The following NOTCH2NLB variants were observed in gnomAD, a reference collection of about 807,000 sequenced individuals.
NOTCH2NLB encodes notch homolog 2 N-terminal-like protein B.
A neutral mutation model predicts 14.8 loss-of-function variants in NOTCH2NLB; 1 was observed. The ratio of observed to expected loss-of-function variants is 0.07; its 90% CI spans 0.02 to 0.32. The LOEUF is 0.32. Ranked by LOEUF, NOTCH2NLB falls within the 10% of genes least tolerant of loss-of-function variation. The pLI is 1.00. For synonymous variants in NOTCH2NLB, 6 were observed against 57.5 expected (o/e 0.10, Z 4.05); for missense variants, 11 against 155.0 (o/e 0.07, Z 4.93).
chr1:148,660,428 T>C (rs1432603217), intron 1 of NOTCH2NLB, among the ~76,000 whole-genome samples: 1 of 141,828 alleles, frequency 7.1e-6, no homozygotes, highest in African/African-American at 2.6e-5. Context: ...CTTTGAAAAA[T>C]AAGAAGATTC....
intron 2 of NOTCH2NLB, among the ~76,000 whole-genome samples, chr1:148,636,692 A>G (rs1664205933): frequency 1.0e-5 from 1 of 97,032 alleles, no homozygotes. Flanking sequence ...AAGCTCTGCT[A>G]GGTACACATT....
At chr1:148,600,638 AAGAC>A in the NOTCH2NLB span, among the ~76,000 whole-genome samples, 5 of 134,578 alleles carry the variant, frequency 3.7e-5, no homozygotes, top group Non-Finnish European at 6.2e-5. Flanking sequence ...TATAATAAAA[AAGAC>A]AGACAATAAC....
At chr1:148,634,376 A>G (rs1304335878) in intron 2 of NOTCH2NLB, among the ~76,000 whole-genome samples, 1 of 146,464 alleles carries the variant, frequency 6.8e-6, no homozygotes, top group African/African-American at 2.5e-5. Flanking sequence ...TTGATCTGAC[A>G]ATGCCCCTGT....
rs1286073065 is a variant in NOTCH2NLB, at chr1:148,622,369, CA to C, written c.78-6420del. Among the ~76,000 whole-genome samples the C allele has an allele frequency of 1.8e-3, 153 of 83,482 alleles. 11 individuals carry two copies. The highest frequency in any genetic ancestry group is 4.3e-3 in the East Asian group (7 of 1,644). The allele number at this position is 83,482 out of a possible 152,430, so 54.8% of individuals were successfully genotyped here. A position where few individuals can be genotyped will look rare whatever the true frequency, so the allele number is the denominator to read the frequency against. Reference sequence around the variant, plus strand: ...TGGGCAACAGAGCGAGACTCCCTCTCAAAAAAAAAAAAAAAATTCACAGCTA... The same window carrying C: ...TGGGCAACAGAGCGAGACTCCCTCTCAAAAAAAAAAAAAAATTCACAGCTA... On this transcript the variant is annotated intron_variant, in intron 2 of 4. Coordinates refer to ENST00000593495, the Ensembl canonical transcript of NOTCH2NLB.
intron 1 of NOTCH2NLB, among the ~76,000 whole-genome samples, chr1:148,651,160 AAAATATATATAT>A (rs1197356782): frequency 3.0e-4 from 14 of 46,676 alleles, no homozygotes; most frequent in African/African-American, 6.7e-4. Flanking sequence ...AAAAAAAAAA[AAAATATATATAT>A]ATATATATAT....
chr1:148,658,145 T>TA (rs1468245838), intron 1 of NOTCH2NLB, among the ~76,000 whole-genome samples: 1 of 676 alleles, frequency 1.5e-3, no homozygotes, highest in Admixed American at 0.021. Context: ...GTTCTGGGAT[T>TA]ACAGGCATGA....
the NOTCH2NLB span, among the ~76,000 whole-genome samples, chr1:148,694,079 TTTC>T: frequency 7.4e-6 from 1 of 134,522 alleles, no homozygotes; most frequent in South Asian, 2.8e-4. Flanking sequence ...TTCCTGAATA[TTTC>T]CCTGTTCCAC....
chr1:148,682,503 C>T (rs1220896597), upstream of NOTCH2NLB, among the ~76,000 whole-genome samples: 36 of 13,224 alleles, frequency 2.7e-3, no homozygotes, highest in Non-Finnish European at 4.0e-3. Flanking sequence ...ATCACTTGAA[C>T]CCAGGAGGCA....
At chr1:148,628,472 A>C (rs1664037273) in intron 2 of NOTCH2NLB, among the ~76,000 whole-genome samples, 1 of 76,934 alleles carries the variant, frequency 1.3e-5, no homozygotes, top group Non-Finnish European at 2.2e-5. Flanking sequence ...GTTTAGTCTA[A>C]AAGGATTTTC....
chr1:148,629,454 TC>T (rs1158802179), intron 2 of NOTCH2NLB, among the ~76,000 whole-genome samples: 1 of 61,786 alleles, frequency 1.6e-5, no homozygotes, highest in African/African-American at 1.1e-4. Context: ...AGAGTCTGCT[TC>T]TGTCACAAAC....
In NOTCH2NLB at chr1:148,628,177, C is replaced by T. The variant is rs1433490372; in HGVS notation, c.77+11839G>A. Among the ~76,000 whole-genome samples the T allele has an allele frequency of 2.1e-4, 26 of 124,352 alleles. 1 individual carries two copies. The East Asian group carries it at 8.0e-3, about 38-fold the overall frequency. The allele number at this position is 124,352 out of a possible 152,430, so 81.6% of individuals were successfully genotyped here. A position where few individuals can be genotyped will look rare whatever the true frequency, so the allele number is the denominator to read the frequency against. ...GACATACACACACACAGTCCTCATTCCCTCTTGCACTTTTATTGGTCTTTC... is the reference window on the plus strand; with the variant it reads ...GACATACACACACACAGTCCTCATTTCCTCTTGCACTTTTATTGGTCTTTC... On this transcript the variant is annotated intron_variant, in intron 2 of 4. Coordinates refer to ENST00000593495, the Ensembl canonical transcript of NOTCH2NLB.
In NOTCH2NLB at chr1:148,625,358, TTA is replaced by T. The variant is rs1491548767; in HGVS notation, c.78-9410_78-9409del. Reference sequence around the variant, plus strand: ...CTTTAGCTTTTTTTTTTTTTTTTTTTTAAAACGAGGATTTGGCCATTCAAGAA... The same window carrying T: ...CTTTAGCTTTTTTTTTTTTTTTTTTTAAACGAGGATTTGGCCATTCAAGAA... On this transcript the variant is annotated intron_variant, in intron 2 of 4. Transcript: ENST00000593495. Among the ~76,000 whole-genome samples, 4 of 92,622 alleles carry T rather than the reference TTA, an allele frequency of 4.3e-5. 1 individual carries two copies. Among genetic ancestry groups the T allele is most frequent in the African/African-American group, 2.1e-4 (4 of 19,364 alleles). The allele number at this position is 92,622 out of a possible 152,430, so 60.8% of individuals were successfully genotyped here.
chr1:148,637,243 C>T (rs1306568793), intron 2 of NOTCH2NLB, among the ~76,000 whole-genome samples: 4 of 142,826 alleles, frequency 2.8e-5, no homozygotes, highest in African/African-American at 5.4e-5. Context: ...TAATTTTTTG[C>T]ATTTTTAGTA....
chr1:148,708,112 C>T, the NOTCH2NLB span, among the ~76,000 whole-genome samples: 6 of 64,444 alleles, frequency 9.3e-5, 2 homozygotes, highest in South Asian at 5.4e-4. Flanking sequence ...TTTGCATGTG[C>T]GTGTATGTAT....
At chr1:148,605,052 G>T (rs1207432051), downstream of NOTCH2NLB, among the ~76,000 whole-genome samples, 13 of 137,914 alleles carry the variant, frequency 9.4e-5, no homozygotes, top group African/African-American at 2.8e-4. Context: ...CTTATAACAT[G>T]AACATATATT....
At chr1:148,634,353 C>T (rs1664175947) in intron 2 of NOTCH2NLB, among the ~76,000 whole-genome samples, 1 of 148,818 alleles carries the variant, frequency 6.7e-6, no homozygotes, top group Non-Finnish European at 1.5e-5. Flanking sequence ...GATATTTTTC[C>T]CTGTCTATTT....
intron 1 of NOTCH2NLB, among the ~76,000 whole-genome samples, chr1:148,645,522 T>C (rs1316663723): frequency 6.8e-6 from 1 of 146,764 alleles, no homozygotes; most frequent in Non-Finnish European, 1.5e-5. Context: ...GATCAGAGCT[T>C]ACCTTACGTG....
At chr1:148,656,151 G>GCT (rs1664538963) in intron 1 of NOTCH2NLB, among the ~76,000 whole-genome samples, 1 of 70,062 alleles carries the variant, frequency 1.4e-5, no homozygotes, top group Non-Finnish European at 2.6e-5. Context: ...ACTTGAGGAA[G>GCT]CGTTCATGCT....
chr1:148,629,521 TA>T (rs1664058099), intron 2 of NOTCH2NLB, among the ~76,000 whole-genome samples: 1 of 100,378 alleles, frequency 1.0e-5, no homozygotes, highest in Non-Finnish European at 1.9e-5. Flanking sequence ...TTTTCATTAG[TA>T]ATCAAGTTAT....
Sources: gnomAD v4.1 joint callset for allele counts (sites outside exome capture counted in the v4.1 genomes callset) on GRCh38, gnomAD v4.1.1 for gene constraint, MANE v1.5 for transcripts, NCBI Gene and HGNC (gene_info 2026-07-23, HGNC 2026-07-21) for gene names.